RAB3C: variants seen among roughly 807,000 people sequenced by gnomAD.
RAB3C encodes ras-related protein Rab-3C.
RAB3C carries 17 observed loss-of-function variants against 26.4 expected under a neutral mutation model. The ratio of observed to expected loss-of-function variants is 0.64; its 90% CI spans 0.44 to 0.97. RAB3C has a LOEUF of 0.97. Ranked by LOEUF, RAB3C falls within the 50% of genes least tolerant of loss-of-function variation. The pLI is 0.00. For synonymous variants in RAB3C, 91 were observed against 95.9 expected, an observed-to-expected ratio of 0.95 and a Z score of 0.30; for missense variants, 242 against 281.9, an observed-to-expected ratio of 0.86 and a Z score of 1.01.
In RAB3C at chr5:58,784,980, T is replaced by C. The variant is rs558520328; in HGVS notation, c.372-40058T>C. ...GGATGAAAAGCTAAACTCAACATCA[T>C]GCAGCAGTTGTGGTAGGCTGGATTT... On this transcript the variant is annotated intron_variant, in intron 3 of 4. Transcript: ENST00000282878. Among the ~76,000 whole-genome samples the C allele has an allele frequency of 9.8e-5, 15 of 152,332 alleles. No homozygotes were observed. In the South Asian group the frequency reaches 2.9e-3, roughly 29 times the overall value.
At position 58,633,547 on chromosome 5, in the gene RAB3C, T is replaced by C. The variant is rs141099237; in HGVS notation, c.252+15677T>C. 3.3e-3 allele frequency among the ~76,000 whole-genome samples: 496 copies of C among 152,192 alleles called. 2 individuals carry two copies. The highest frequency in any genetic ancestry group is 0.011 in the African/African-American group (464 of 41,520). ...TCTCCAGGTAGAGAAGAGAAAAAAA[T>C]TGAGATGAGACCAACAGTTAAAACT... On this transcript the variant is annotated intron_variant, in intron 2 of 4. Transcript: ENST00000282878.
intron 3 of RAB3C, among the ~76,000 whole-genome samples, chr5:58,807,610 T>TAG (rs1742971927): frequency 6.6e-6 from 1 of 152,090 alleles, no homozygotes; most frequent in South Asian, 2.1e-4. Context: ...TCTCACATGG[T>TAG]AGAGAGAGAG....
intron 3 of RAB3C, among the ~76,000 whole-genome samples, chr5:58,737,657 A>G (rs1197766309): frequency 6.6e-6 from 1 of 151,826 alleles, no homozygotes; most frequent in African/African-American, 2.4e-5. Context: ...TCTTATTCAC[A>G]TTGTATCTCC....
At chr5:58,621,192 G>A (rs567976652) in intron 2 of RAB3C, among the ~76,000 whole-genome samples, 15 of 152,250 alleles carry the variant, frequency 9.9e-5, no homozygotes, top group African/African-American at 3.4e-4. Flanking sequence ...AAGAAAAGAG[G>A]CAAAATGGTT....
chr5:58,681,399 G>A (rs1748340360), intron 2 of RAB3C, among the ~76,000 whole-genome samples: 1 of 152,138 alleles, frequency 6.6e-6, no homozygotes, highest in Admixed American at 6.5e-5. Flanking sequence ...TTGGAAAATT[G>A]GACAGGCAAT....
intron 4 of RAB3C, chr5:58,847,090 A>T (rs1449223484): frequency 6.6e-6 from 1 of 152,188 alleles, no homozygotes; most frequent in Non-Finnish European, 1.5e-5. Flanking sequence ...CAAAGAGATT[A>T]GAAAGGCTTT....
chr5:58,850,569 A>C (rs1461039407), intron 4 of RAB3C, among the ~76,000 whole-genome samples: 1 of 152,228 alleles, frequency 6.6e-6, no homozygotes, highest in Non-Finnish European at 1.5e-5. Flanking sequence ...CAGGGCAGAC[A>C]TGGAAAAGTT....
rs549625243 is a variant in RAB3C, at chr5:58,775,179, C to T, written c.371+49059C>T. Among the ~76,000 whole-genome samples, 6 of 152,238 alleles carry T rather than the reference C, an allele frequency of 3.9e-5. No homozygotes were observed. In the East Asian group the frequency reaches 1.2e-3, roughly 30 times the overall value. On this transcript the variant is annotated intron_variant, in intron 3 of 4. Coordinates refer to ENST00000282878, the MANE Select transcript of RAB3C (RefSeq NM_138453.4). ...CACATTTGTCAAAAGGACTGTTTCACTCATCGCCTCCATACTTTCTGTCCT... is the reference window on the plus strand; with the variant it reads ...CACATTTGTCAAAAGGACTGTTTCATTCATCGCCTCCATACTTTCTGTCCT...
At chr5:58,685,283 A>G (rs751181470) in intron 2 of RAB3C, among the ~76,000 whole-genome samples, 53 of 152,168 alleles carry the variant, frequency 3.5e-4, no homozygotes, top group Non-Finnish European at 7.1e-4. Flanking sequence ...AAATGAATCT[A>G]TTAGGCTGCA....
chr5:58,672,347 G>A (rs934502172), intron 2 of RAB3C, among the ~76,000 whole-genome samples: 1 of 152,106 alleles, frequency 6.6e-6, no homozygotes, highest in Non-Finnish European at 1.5e-5. Flanking sequence ...GCTCTTCAGC[G>A]GGGTCATGGA....
At chr5:58,804,687 G>GTA (rs1250576102) in intron 3 of RAB3C, among the ~76,000 whole-genome samples, 1 of 151,756 alleles carries the variant, frequency 6.6e-6, no homozygotes, top group Non-Finnish European at 1.5e-5. Flanking sequence ...GTGTGTGTGT[G>GTA]TGTATGTATG....
At chr5:58,704,008 C>G (rs1055665185) in intron 2 of RAB3C, among the ~76,000 whole-genome samples, 1 of 152,174 alleles carries the variant, frequency 6.6e-6, no homozygotes, top group African/African-American at 2.4e-5. Context: ...AATGACCTCT[C>G]ACAAGTCACT....
intron 3 of RAB3C, among the ~76,000 whole-genome samples, chr5:58,780,964 A>C (rs1335321725): frequency 6.6e-6 from 1 of 152,010 alleles, no homozygotes; most frequent in Admixed American, 6.6e-5. Flanking sequence ...GTAGTCTGTA[A>C]CTATGTACCA....
chr5:58,808,238 A>AAAAAC lies in RAB3C; in HGVS notation c.372-16796_372-16795insCAAAA, dbSNP rs1323754905. On this transcript the variant is annotated intron_variant, in intron 3 of 4. Transcript: ENST00000282878. The stretch of plus-strand genomic sequence containing the variant: ...AGACTCCGTCTCAAAAAAAAAAAAA[A>AAAAAC]AAAAGAAATAACTTTAGTTGGCTAT... 9.9e-5 allele frequency among the ~76,000 whole-genome samples: 15 copies of AAAAAC among 152,004 alleles called. No homozygotes were observed. The East Asian group carries it at 2.7e-3, about 27-fold the overall frequency.
intron 3 of RAB3C, among the ~76,000 whole-genome samples, chr5:58,812,744 A>G (rs1226630370): frequency 6.6e-6 from 1 of 152,196 alleles, no homozygotes; most frequent in African/African-American, 2.4e-5. Flanking sequence ...TGTTTAGAGA[A>G]TGGTTTTGAG....
intron 2 of RAB3C, among the ~76,000 whole-genome samples, chr5:58,628,951 G>T (rs1747125777): frequency 6.7e-6 from 1 of 149,680 alleles, no homozygotes; most frequent in African/African-American, 2.5e-5. Flanking sequence ...CACTTTGGGA[G>T]GTGGAGGCGA....
chr5:58,809,405 C>G (rs1329771144), intron 3 of RAB3C, among the ~76,000 whole-genome samples: 1 of 144,012 alleles, frequency 6.9e-6, no homozygotes, highest in East Asian at 2.0e-4. Context: ...AAAAAAAAAC[C>G]TTAGCAGAGG....
At chr5:58,784,769 C>G (rs927908360) in intron 3 of RAB3C, 3 of 152,172 alleles carry the variant, frequency 2.0e-5, no homozygotes, top group Non-Finnish European at 2.9e-5. Context: ...TGAAAAGAGT[C>G]AATGAGCTTT....
At chr5:58,686,410 T>C (rs1748445309) in intron 2 of RAB3C, among the ~76,000 whole-genome samples, 1 of 152,176 alleles carries the variant, frequency 6.6e-6, no homozygotes, top group South Asian at 2.1e-4. Context: ...ATTTATGAGC[T>C]AAGTCCCTGA....
Sources: gnomAD v4.1 joint callset for allele counts (sites outside exome capture counted in the v4.1 genomes callset) on GRCh38, gnomAD v4.1.1 for gene constraint, MANE v1.5 for transcripts, NCBI Gene and HGNC (gene_info 2026-07-23, HGNC 2026-07-21) for gene names.